Variants in NRXN3 observed in about 807,000 individuals in gnomAD.
NRXN3 encodes the protein neurexin 3, also known as neurexin III.
In NRXN3, 32 loss-of-function variants were observed where a neutral mutation model predicts 137.6. That is an observed-to-expected ratio of 0.23 (90% CI 0.18 to 0.31). The LOEUF is 0.31. Among genes scored for constraint, NRXN3 ranks in the 10% least tolerant of loss-of-function variants. The probability of loss-of-function intolerance (pLI) is 1.00; values close to 1 mark genes in which losing one functional copy is unlikely to be tolerated. For missense variants in NRXN3, 1,574 were observed against 2,062.5 expected, an observed-to-expected ratio of 0.76 and a Z score of 4.59; for synonymous variants, 798 against 784.5, an observed-to-expected ratio of 1.02 and a Z score of -0.29.
chr14:79,039,130 A>G (rs1017907028), intron 15 of NRXN3, among the ~76,000 whole-genome samples: 4 of 152,150 alleles, frequency 2.6e-5, no homozygotes, highest in Non-Finnish European at 4.4e-5. Flanking sequence ...AGGCCCCAGA[A>G]TAATCACAAA....
Position 79,861,144 on chromosome 14 carries a change from T to G in NRXN3, c.4094-198T>G. The G allele has an allele frequency of 6.7e-7, 1 of 1,494,846 alleles. No individual in the cohort carries two copies. The highest frequency in any genetic ancestry group is 8.9e-7 in the Non-Finnish European group (1 of 1,125,098). 92.6% of individuals were successfully genotyped at this position (1,494,846 alleles called of 1,614,324 possible). A position where few individuals can be genotyped will look rare whatever the true frequency, so the allele number is the denominator to read the frequency against. ...CTCCCCCCTACCTTTCGCCCCCTCC[T>G]CACCATTATTGAGACCACCAAAGAT... On this transcript the variant is annotated intron_variant, in intron 20 of 20. Transcript: ENST00000335750. The surrounding 1 kb of genome is among the most constrained non-coding windows in gnomAD (Gnocchi z 5.4).
At chr14:79,211,401 AGAT>A (rs1303766250) in intron 15 of NRXN3, among the ~76,000 whole-genome samples, 2 of 152,192 alleles carry the variant, frequency 1.3e-5, no homozygotes, top group African/African-American at 2.4e-5. Flanking sequence ...CGCATCTCTA[AGAT>A]GATGATGATA....
chr14:79,454,664 G>A (rs1289478101), intron 15 of NRXN3, among the ~76,000 whole-genome samples: 4 of 151,806 alleles, frequency 2.6e-5, no homozygotes, highest in Non-Finnish European at 5.9e-5. Flanking sequence ...GATTTTAATG[G>A]CAAAGGCTAT....
chr14:79,267,385 GTCTC>G (rs2078604292), intron 15 of NRXN3, among the ~76,000 whole-genome samples: 1 of 147,940 alleles, frequency 6.8e-6, no homozygotes. Context: ...TTGAGACAGA[GTCTC>G]TCTCTATTTC....
chr14:78,909,984 C>T (rs2099232180), intron 10 of NRXN3, among the ~76,000 whole-genome samples: 1 of 152,078 alleles, frequency 6.6e-6, no homozygotes, highest in African/African-American at 2.4e-5. Context: ...GATTATATCT[C>T]CCTCTTGCCT....
intron 15 of NRXN3, among the ~76,000 whole-genome samples, chr14:79,394,092 T>A (rs554803363): frequency 3.3e-5 from 5 of 152,328 alleles, no homozygotes; most frequent in African/African-American, 4.8e-5. Context: ...TAGGCATAGT[T>A]TATGCTTGGT....
At chr14:79,268,450 G>T (rs1350854379) in intron 15 of NRXN3, among the ~76,000 whole-genome samples, 1 of 152,160 alleles carries the variant, frequency 6.6e-6, no homozygotes, top group East Asian at 1.9e-4. Flanking sequence ...GATCCAGGTT[G>T]CCTTTTTCTT....
intron 15 of NRXN3, among the ~76,000 whole-genome samples, chr14:79,385,432 G>A (rs2094586222): frequency 6.6e-6 from 1 of 152,008 alleles, no homozygotes; most frequent in South Asian, 2.1e-4. Context: ...GTGTATATGT[G>A]CCACATTTTC....
intron 16 of NRXN3, among the ~76,000 whole-genome samples, chr14:79,467,891 A>G (rs2096451483): frequency 6.6e-6 from 1 of 152,216 alleles, no homozygotes; most frequent in African/African-American, 2.4e-5. Flanking sequence ...GCAGCCACAG[A>G]CAATACATTT....
chr14:78,350,338 A>G (rs1399500924), intron 4 of NRXN3, among the ~76,000 whole-genome samples: 4 of 152,072 alleles, frequency 2.6e-5, no homozygotes, highest in Non-Finnish European at 4.4e-5. Context: ...AGGCTGGAGA[A>G]AGAGCCCTGA....
intron 17 of NRXN3, among the ~76,000 whole-genome samples, chr14:79,684,980 A>G (rs1211608761): frequency 6.6e-6 from 1 of 152,172 alleles, no homozygotes; most frequent in Non-Finnish European, 1.5e-5. Context: ...GGAGGAAATA[A>G]GTGATAAGAG....
intron 15 of NRXN3, among the ~76,000 whole-genome samples, chr14:79,125,872 C>T (rs1481684268): frequency 6.6e-6 from 1 of 152,122 alleles, no homozygotes; most frequent in African/African-American, 2.4e-5. Flanking sequence ...TGTATACTTA[C>T]TCAGAATTTT....
intron 19 of NRXN3, among the ~76,000 whole-genome samples, chr14:79,770,515 T>A (rs2099073800): frequency 7.2e-6 from 1 of 139,520 alleles, no homozygotes; most frequent in Non-Finnish European, 1.5e-5. Context: ...AACCTGCTCC[T>A]GAATGACTAC....
Position 79,621,835 on chromosome 14 carries a change from G to A in NRXN3, c.3445-41943G>A, listed in dbSNP as rs183458402. Among the ~76,000 whole-genome samples, 13 of 152,334 alleles carry A rather than the reference G, an allele frequency of 8.5e-5. No individual in the cohort carries two copies. In the East Asian group the frequency reaches 2.5e-3, roughly 29 times the overall value. ...CTCAGTTACAATGCTTGCTGCTCAA[G>A]TAATGGATCAATTCACAGTTGGCTA... On this transcript the variant is annotated intron_variant, in intron 16 of 20. Transcript: ENST00000335750.
chr14:79,731,946 T>C (rs1048304376), intron 19 of NRXN3, among the ~76,000 whole-genome samples: 33 of 152,090 alleles, frequency 2.2e-4, no homozygotes, highest in African/African-American at 3.6e-4. Context: ...ATAGTTTTTT[T>C]CCCCAATATT....
At chr14:79,708,451 A>T (rs963636435) in intron 19 of NRXN3, among the ~76,000 whole-genome samples, 2 of 151,990 alleles carry the variant, frequency 1.3e-5, no homozygotes, top group Admixed American at 1.3e-4. Flanking sequence ...GAATCATCCA[A>T]AAAAAAGAAA....
Position 78,957,355 on chromosome 14 carries a change from G to T in NRXN3, c.2389G>T (p.Ala797Ser), listed in dbSNP as rs779334109. 2 of 1,613,680 alleles carry T rather than the reference G, an allele frequency of 1.2e-6. No homozygotes were observed. Among genetic ancestry groups the T allele is most frequent in the African/African-American group, 1.3e-5 (1 of 74,856 alleles). Residue 797 changes from alanine (A) to serine (S), a missense_variant, in exon 11 of 21, where the codon GCT becomes TCT. Transcript: ENST00000335750. ...SLKLTVDDDV[A>S]EGTMVGDHTR... is the part of the protein sequence containing the mutation. ...TAAGTTAACCGTGGATGATGATGTG[G>T]CTGAGGGTGAGTATGACTATGGTGA...
At chr14:79,828,182 G>C (rs954513815) in intron 20 of NRXN3, among the ~76,000 whole-genome samples, 3 of 152,158 alleles carry the variant, frequency 2.0e-5, no homozygotes, top group Non-Finnish European at 2.9e-5. Flanking sequence ...AGGCTTTGCT[G>C]TCCTTTTGCA....
intron 4 of NRXN3, among the ~76,000 whole-genome samples, chr14:78,611,126 G>A (rs894215998): frequency 6.6e-6 from 1 of 152,044 alleles, no homozygotes; most frequent in African/African-American, 2.4e-5. Flanking sequence ...CCATGGCAAC[G>A]TGAAGACAGC....
Sources: allele counts gnomAD v4.1 joint callset (sites outside exome capture counted in the v4.1 genomes callset), GRCh38; gene constraint gnomAD v4.1.1; non-coding constraint Gnocchi (gnomAD v3.1); transcripts MANE v1.5; gene names NCBI Gene and HGNC (gene_info 2026-07-23, HGNC 2026-07-21).